PWWP2A: variants seen among roughly 807,000 people sequenced by gnomAD.
The protein encoded by PWWP2A is PWWP domain-containing protein 2A.
PWWP2A carries 18 observed loss-of-function variants against 48.5 expected under a neutral mutation model. That is an observed-to-expected ratio of 0.37 (90% CI 0.26 to 0.55). The LOEUF is 0.55. Among genes scored for constraint, PWWP2A ranks in the 20% least tolerant of loss-of-function variants. The pLI is 0.81. For missense variants in PWWP2A, 867 were observed against 976.4 expected, an observed-to-expected ratio of 0.89 and a Z score of 1.49; for synonymous variants, 396 against 387.7, an observed-to-expected ratio of 1.02 and a Z score of -0.25.
chr5:160,086,097 A>C (rs1256184283), intron 2 of PWWP2A, among the ~76,000 whole-genome samples: 1 of 152,108 alleles, frequency 6.6e-6, no homozygotes, highest in African/African-American at 2.4e-5. Context: ...GGGATTACAG[A>C]AGTGGGCCAT....
At chr5:160,046,134 G>T in the PWWP2A span, among the ~76,000 whole-genome samples, 3 of 152,098 alleles carry the variant, frequency 2.0e-5, no homozygotes, top group East Asian at 5.8e-4. Flanking sequence ...TGAAATAATT[G>T]TCTATACTTG....
At chr5:160,105,966 A>T (rs999457520) in intron 1 of PWWP2A, among the ~76,000 whole-genome samples, 1 of 152,144 alleles carries the variant, frequency 6.6e-6, no homozygotes, top group South Asian at 2.1e-4. Flanking sequence ...CAAGCCAATC[A>T]AGGCAAAACA....
downstream of PWWP2A, among the ~76,000 whole-genome samples, chr5:160,057,150 G>A (rs1757567378): frequency 1.3e-5 from 2 of 152,126 alleles, no homozygotes; most frequent in Non-Finnish European, 2.9e-5. The surrounding 1 kb of genome is among the most constrained non-coding windows in gnomAD (Gnocchi z 4.4). Context: ...CTTTGCTTTT[G>A]TCTTCATTTC....
At chr5:160,108,878 T>C (rs1757160340) in intron 1 of PWWP2A, among the ~76,000 whole-genome samples, 1 of 152,158 alleles carries the variant, frequency 6.6e-6, no homozygotes, top group South Asian at 2.1e-4. Context: ...GGGGTCTCAG[T>C]ATGTTGCCAA....
intron 1 of PWWP2A, 92 bp downstream of exon 1, chr5:160,118,713 G>A (rs1185846924): frequency 1.6e-6 from 2 of 1,239,228 alleles, no homozygotes; most frequent in Non-Finnish European, 2.1e-6. Context: ...CGGGCAGCGG[G>A]GAAGCGAGGG....
intron 2 of PWWP2A, among the ~76,000 whole-genome samples, chr5:160,084,837 T>C (rs1754504315): frequency 6.6e-6 from 1 of 152,100 alleles, no homozygotes; most frequent in Non-Finnish European, 1.5e-5. Context: ...GATGACACTT[T>C]CACATTACAA....
At chr5:160,050,404 G>A in the PWWP2A span, among the ~76,000 whole-genome samples, 3 of 152,038 alleles carry the variant, frequency 2.0e-5, no homozygotes, top group Admixed American at 6.6e-5. Flanking sequence ...CTGAGATTGC[G>A]CCACTGCACT....
the PWWP2A span, among the ~76,000 whole-genome samples, chr5:160,052,210 A>G: frequency 6.6e-6 from 1 of 152,200 alleles, no homozygotes; most frequent in African/African-American, 2.4e-5. Flanking sequence ...CCTAATTTAC[A>G]TATTTAATTA....
rs1162727990 is a variant in PWWP2A at position 160,077,326 on chromosome 5, CT to C, written c.*828del. 6.6e-6 allele frequency: 1 copy of C among 152,138 alleles called. No homozygotes were observed. The highest frequency in any genetic ancestry group is 1.5e-5 in the Non-Finnish European group (1 of 68,024). The allele number at this position is 152,138 out of a possible 1,614,324, so 9.4% of individuals were successfully genotyped here. ...TAAGGATACAGACAATAATAAAAGG[CT>C]TTCCAACTCAGCAGAATTAAGAACT... On this transcript the variant is annotated 3_prime_UTR_variant, in exon 4 of 4. Transcript: ENST00000456329. The surrounding 1 kb of genome is among the most constrained non-coding windows in gnomAD (Gnocchi z 4.2).
intron 1 of PWWP2A, chr5:160,108,588 G>A: frequency 7.8e-7 from 1 of 1,287,462 alleles, no homozygotes. Context: ...CAAAAGTAGG[G>A]CTATTGCACC....
At chr5:160,080,310 G>C (rs539201004) in intron 3 of PWWP2A, among the ~76,000 whole-genome samples, 40 of 152,192 alleles carry the variant, frequency 2.6e-4, no homozygotes, top group Non-Finnish European at 5.7e-4. Flanking sequence ...AAAGATAAAA[G>C]ACATCCAGTA....
In PWWP2A at chr5:160,093,710, T is replaced by C. The variant is rs991260780; in HGVS notation, c.940A>G (p.Lys314Glu). The stretch of plus-strand genomic sequence containing the variant: ...CACAGAACTTGCCTGGGTCGTAGTT[T>C]AATAGCATTCATTATTGAAGTGGGT... Reference protein sequence around the residue: ...EEPTSIMNAIKLRPRQVLCDK... With the variant: ...EEPTSIMNAIELRPRQVLCDK... Residue 314 changes from lysine to glutamate, a missense_variant, in exon 2 of 2, where the codon AAA becomes GAA. This residue lies in a region of PWWP2A where 382 missense variants were observed against 407.2 expected (regional missense o/e 0.94). Transcript: ENST00000307063. The surrounding 1 kb of genome is among the most constrained non-coding windows in gnomAD (Gnocchi z 5.8). 30 of 1,613,946 alleles carry C rather than the reference T, an allele frequency of 1.9e-5. No individual in the cohort carries two copies. The highest frequency in any genetic ancestry group is 2.4e-5 in the Non-Finnish European group (28 of 1,179,906).
At chr5:160,088,990 T>C (rs1162710197), downstream of PWWP2A, among the ~76,000 whole-genome samples, 2 of 152,208 alleles carry the variant, frequency 1.3e-5, no homozygotes, top group African/African-American at 2.4e-5. Context: ...TGAAGATATA[T>C]TCATTTTGTT....
intron 2 of PWWP2A, among the ~76,000 whole-genome samples, chr5:160,070,101 G>A (rs896718003): frequency 6.6e-5 from 10 of 152,190 alleles, no homozygotes; most frequent in Non-Finnish European, 1.5e-5. Context: ...AGAGTGCACT[G>A]TGGATTCATT....
At chr5:160,060,246 G>C (rs1757661745), downstream of PWWP2A, among the ~76,000 whole-genome samples, 2 of 152,190 alleles carry the variant, frequency 1.3e-5, no homozygotes, top group South Asian at 4.1e-4. Context: ...CAGCATTCCT[G>C]GTTATGCTCA....
intron 1 of PWWP2A, chr5:160,108,700 G>T: frequency 1.6e-6 from 1 of 626,640 alleles, no homozygotes; most frequent in Non-Finnish European, 2.6e-6. Flanking sequence ...AGAACTTAGT[G>T]AAAACTGAAG....
At chr5:160,106,782 A>G (rs1284366808) in intron 1 of PWWP2A, among the ~76,000 whole-genome samples, 1 of 146,888 alleles carries the variant, frequency 6.8e-6, no homozygotes, top group Non-Finnish European at 1.5e-5. Flanking sequence ...TACATTGCTT[A>G]GTTTGTAATT....
At chr5:160,101,108 T>A (rs1442853707) in intron 1 of PWWP2A, among the ~76,000 whole-genome samples, 1 of 152,242 alleles carries the variant, frequency 6.6e-6, no homozygotes, top group South Asian at 2.1e-4. Context: ...CCCAGCACTC[T>A]GGGAGCCTGA....
chr5:160,112,833 G>A (rs978243930), intron 1 of PWWP2A, among the ~76,000 whole-genome samples: 3 of 152,268 alleles, frequency 2.0e-5, no homozygotes, highest in Admixed American at 6.5e-5. Context: ...AAGGCACAGT[G>A]CTAATAGGAG....
Sources: gnomAD v4.1 joint callset for allele counts (sites outside exome capture counted in the v4.1 genomes callset) on GRCh38, gnomAD v4.1.1 for gene constraint, gnomAD v4.1.1 regional missense constraint, Gnocchi (gnomAD v3.1) non-coding constraint, MANE v1.5 for transcripts, NCBI Gene and HGNC (gene_info 2026-07-23, HGNC 2026-07-21) for gene names.